The following KLHL14 variants were observed in gnomAD, a reference collection of about 807,000 sequenced individuals.
KLHL14 encodes kelch-like protein 14.
KLHL14 carries 22 observed loss-of-function variants against 64.3 expected under a neutral mutation model. The observed-to-expected ratio is 0.34, with a 90% CI of 0.24 to 0.49. The LOEUF (loss-of-function observed/expected upper bound fraction) is 0.49. Ranked by LOEUF, KLHL14 falls within the 20% of genes least tolerant of loss-of-function variation. The probability of loss-of-function intolerance (pLI) is 0.99; values close to 1 mark genes in which losing one functional copy is unlikely to be tolerated. For missense variants in KLHL14, 661 were observed against 789.0 expected (o/e 0.84, Z 1.94); for synonymous variants, 322 against 333.4 (o/e 0.97, Z 0.37).
chr18:32,682,389 T>C (rs576553666), intron 5 of KLHL14, among the ~76,000 whole-genome samples: 6 of 152,080 alleles, frequency 3.9e-5, no homozygotes, highest in Non-Finnish European at 8.8e-5. Flanking sequence ...GGGAGAAAAG[T>C]AGGAATAAAA....
At chr18:32,735,106 T>A (rs925621394) in intron 3 of KLHL14, among the ~76,000 whole-genome samples, 2 of 152,234 alleles carry the variant, frequency 1.3e-5, no homozygotes, top group Non-Finnish European at 2.9e-5. Flanking sequence ...TAGCCTATTC[T>A]AGCTCTATTC....
At chr18:32,739,986 AAC>A (rs1197569219) in intron 3 of KLHL14, among the ~76,000 whole-genome samples, 1 of 152,146 alleles carries the variant, frequency 6.6e-6, no homozygotes, top group African/African-American at 2.4e-5. Flanking sequence ...ATGATTTATA[AAC>A]ACAATTTTTA....
chr18:32,695,344 A>G, intron 4 of KLHL14, 119 bp downstream of exon 4: 1 of 691,962 alleles, frequency 1.4e-6, no homozygotes, highest in Non-Finnish European at 2.6e-6. Flanking sequence ...TTACTACTTC[A>G]TTTGTCCCCG....
chr18:32,718,297 C>T (rs1490214783), intron 3 of KLHL14, among the ~76,000 whole-genome samples: 1 of 152,222 alleles, frequency 6.6e-6, no homozygotes, highest in Non-Finnish European at 1.5e-5. Flanking sequence ...TTCGCCAACT[C>T]TGAGCAATTT....
chr18:32,735,201 A>G (rs1005799401), intron 3 of KLHL14, among the ~76,000 whole-genome samples: 1 of 152,050 alleles, frequency 6.6e-6, no homozygotes, highest in African/African-American at 2.4e-5. Context: ...AATTCCATTC[A>G]TCTGCTTGGA....
At chr18:32,692,315 C>CA (rs1249618975) in intron 4 of KLHL14, among the ~76,000 whole-genome samples, 1 of 152,104 alleles carries the variant, frequency 6.6e-6, no homozygotes, top group East Asian at 1.9e-4. Context: ...ACTTCAAGGG[C>CA]ACACATCTCA....
At chr18:32,701,987 G>T (rs576085793) in intron 3 of KLHL14, among the ~76,000 whole-genome samples, 1 of 152,318 alleles carries the variant, frequency 6.6e-6, no homozygotes, top group Admixed American at 6.5e-5. Flanking sequence ...GTGAACAATT[G>T]ATGTCTAGTT....
chr18:32,681,263 C>A (rs2049837283), intron 5 of KLHL14, among the ~76,000 whole-genome samples: 1 of 152,022 alleles, frequency 6.6e-6, no homozygotes, highest in South Asian at 2.1e-4. Context: ...TATATTATCC[C>A]ATTATGCCAT....
intron 1 of KLHL14, among the ~76,000 whole-genome samples, chr18:32,771,536 C>T (rs2050384928): frequency 6.6e-6 from 1 of 152,104 alleles, no homozygotes; most frequent in African/African-American, 2.4e-5. Flanking sequence ...GGCCCCCTCT[C>T]CCCCGTCTCG....
At chr18:32,763,497 CAACACTAT>C (rs2050325158) in intron 2 of KLHL14, among the ~76,000 whole-genome samples, 1 of 152,128 alleles carries the variant, frequency 6.6e-6, no homozygotes, top group South Asian at 2.1e-4. Context: ...ACCTCTGACT[CAACACTAT>C]TCAGATAATT....
intron 4 of KLHL14, among the ~76,000 whole-genome samples, chr18:32,691,652 G>A (rs1200464529): frequency 1.3e-5 from 2 of 152,192 alleles, no homozygotes; most frequent in Non-Finnish European, 2.9e-5. Context: ...ATGAACCTCA[G>A]GAAGAATGAG....
intron 4 of KLHL14, among the ~76,000 whole-genome samples, chr18:32,688,442 C>T (rs143624407): frequency 7.9e-5 from 12 of 152,274 alleles, no homozygotes; most frequent in African/African-American, 2.9e-4. Flanking sequence ...AATGAATAAA[C>T]AAACATATAA....
intron 3 of KLHL14, among the ~76,000 whole-genome samples, chr18:32,732,864 G>A (rs947386350): frequency 1.3e-5 from 2 of 152,182 alleles, no homozygotes; most frequent in Non-Finnish European, 2.9e-5. Flanking sequence ...ATATCATGGT[G>A]AGAAAAATCA....
At chr18:32,726,941 C>T (rs2050111054) in intron 3 of KLHL14, among the ~76,000 whole-genome samples, 1 of 152,168 alleles carries the variant, frequency 6.6e-6, no homozygotes, top group East Asian at 1.9e-4. Context: ...TTGTTCCATC[C>T]TCTCTTTCAA....
At chr18:32,711,891 A>G (rs2050021177) in intron 3 of KLHL14, among the ~76,000 whole-genome samples, 1 of 152,216 alleles carries the variant, frequency 6.6e-6, no homozygotes, top group Non-Finnish European at 1.5e-5. Flanking sequence ...GTGAAAACCC[A>G]CAGAGCTGAA....
chr18:32,733,818 T>C (rs1410409268), intron 3 of KLHL14: 1 of 230,946 alleles, frequency 4.3e-6, no homozygotes, highest in African/African-American at 2.2e-5. Context: ...ACCTCTTGGA[T>C]AGGTGCCCTT....
rs574578980 is a variant in KLHL14 at position 32,707,880 on chromosome 18, A to G, written c.1070-12328T>C. Among the ~76,000 whole-genome samples the G allele has an allele frequency of 1.4e-4, 22 of 152,288 alleles. No homozygotes were observed. The South Asian group carries it at 1.5e-3, about 10-fold the overall frequency. On this transcript the variant is annotated intron_variant, in intron 3 of 8. Transcript: ENST00000359358. ...AGTATGGCTATTCTATAATCCTGTT[A>G]GTTCTCCTAGTGAGTCACTGAACCT...
At position 32,770,540 on chromosome 18, in the gene KLHL14, T is replaced by G. The variant is rs776071653; in HGVS notation, c.52A>C (p.Asn18His). The change falls in exon 2 of 9, where the codon AAC becomes CAC. Residue 18 changes from asparagine (N) to histidine (H), a missense_variant. Transcript: ENST00000359358. The surrounding 1 kb of genome is among the most constrained non-coding windows in gnomAD (Gnocchi z 6.7). ...AGCAGGTTGAGGCCGTGCAGCAGGT[T>G]GTCGCTGTGGCTGGGGTCGAAGGTG... ...TSTFDPSHSD[N>H]LLHGLNLLWR... 3.1e-6 allele frequency: 5 copies of G among 1,604,992 alleles called. No homozygotes were observed. The South Asian group carries it at 5.5e-5, about 18-fold the overall frequency.
intron 7 of KLHL14, among the ~76,000 whole-genome samples, chr18:32,677,578 T>C (rs1198373646): frequency 6.6e-6 from 1 of 152,214 alleles, no homozygotes; most frequent in Admixed American, 6.5e-5. Flanking sequence ...CAAAGGTTGA[T>C]TATATGTGGA....
Sources: gnomAD v4.1 joint callset for allele counts (sites outside exome capture counted in the v4.1 genomes callset) on GRCh38, gnomAD v4.1.1 for gene constraint, Gnocchi (gnomAD v3.1) non-coding constraint, MANE v1.5 for transcripts, NCBI Gene and HGNC (gene_info 2026-07-23, HGNC 2026-07-21) for gene names.